Variants in ANGPT2 observed in about 807,000 individuals in gnomAD.
ANGPT2 encodes the protein angiopoietin-2.
ANGPT2 carries 28 observed loss-of-function variants against 62.9 expected under a neutral mutation model. The observed-to-expected ratio is 0.44, with a 90% CI of 0.33 to 0.61. The LOEUF (loss-of-function observed/expected upper bound fraction) is 0.61, where lower values mean the gene tolerates loss of function less well. ANGPT2 is among the 20% of genes least tolerant of loss of function. The pLI is 0.03. For synonymous variants in ANGPT2, 284 were observed against 207.8 expected (o/e 1.37, Z -3.15); for missense variants, 727 against 594.9 (o/e 1.22, Z -2.31).
chr8:6,540,140 C>T (rs996960569), intron 1 of ANGPT2, among the ~76,000 whole-genome samples: 3 of 152,164 alleles, frequency 2.0e-5, no homozygotes, highest in Admixed American at 2.0e-4. Flanking sequence ...ATCCTATCCG[C>T]TTTGCTCTTC....
intron 1 of ANGPT2, among the ~76,000 whole-genome samples, chr8:6,532,805 C>G (rs761242058): frequency 2.9e-4 from 44 of 152,204 alleles, no homozygotes; most frequent in Non-Finnish European, 5.6e-4. Context: ...GCCACAGGGA[C>G]TGCTGGGTGC....
chr8:6,513,627 C>G, intron 7 of ANGPT2, 51 bp downstream of exon 7: 1 of 1,549,410 alleles, frequency 6.5e-7, no homozygotes, highest in Non-Finnish European at 8.7e-7. Flanking sequence ...GCCACCGTGC[C>G]CGGCCACAAA....
At position 6,503,129 on chromosome 8, in the gene ANGPT2, G is replaced by C. The variant is rs1287157101; in HGVS notation, c.1460C>G (p.Thr487Ser). The stretch of plus-strand genomic sequence containing the variant: ...GAAATCTGCTGGTCGGATCATCATG[G>C]TTGTGGCCTTGAGCGAATAGCCTGA... ...KGSGYSLKAT[T>S]MMIRPADF The change falls in exon 9 of 9, where the codon ACC (threonine) becomes AGC (serine). Residue 487 changes from threonine to serine, a missense_variant. Coordinates refer to ENST00000629816, the MANE Select transcript of ANGPT2 (RefSeq NM_001118887.2). The C allele has an allele frequency of 1.2e-6, 2 of 1,614,082 alleles. No individual in the cohort carries two copies. The highest frequency in any genetic ancestry group is 1.7e-6 in the Non-Finnish European group (2 of 1,180,050).
chr8:6,536,716 A>G (rs1820569496), intron 1 of ANGPT2, among the ~76,000 whole-genome samples: 1 of 152,208 alleles, frequency 6.6e-6, no homozygotes, highest in South Asian at 2.1e-4. Flanking sequence ...GCCTTTCCAT[A>G]AATCACCACG....
chr8:6,532,488 C>T lies in ANGPT2; in HGVS notation c.289-1G>A, dbSNP rs1191589531. 4 of 1,609,130 alleles carry T rather than the reference C, an allele frequency of 2.5e-6. No individual in the cohort carries two copies. Among genetic ancestry groups the T allele is most frequent in the Non-Finnish European group, 3.4e-6 (4 of 1,178,294 alleles). On this transcript the variant is annotated splice_acceptor_variant, in intron 1 of 8. Coordinates refer to ENST00000629816, the MANE Select transcript of ANGPT2 (RefSeq NM_001118887.2). LOFTEE classifies it high-confidence loss of function. The stretch of plus-strand genomic sequence containing the variant: ...TGTTGTCCTGGATATAATTCTCAAG[C>T]TAGAAAAGAACAGTGTTAGAAGGCA...
chr8:6,523,030 C>G (rs1345764030), intron 3 of ANGPT2, among the ~76,000 whole-genome samples: 1 of 151,674 alleles, frequency 6.6e-6, no homozygotes, highest in Non-Finnish European at 1.5e-5. Flanking sequence ...TGGAGTCTCG[C>G]TCTGTCACCC....
chr8:6,528,928 T>G (rs1412320102), intron 2 of ANGPT2, among the ~76,000 whole-genome samples: 1 of 152,218 alleles, frequency 6.6e-6, no homozygotes, highest in Non-Finnish European at 1.5e-5. Context: ...ACGTAAGGTT[T>G]TGTTTGGGTT....
At chr8:6,547,902 T>TA (rs1209815159) in intron 1 of ANGPT2, among the ~76,000 whole-genome samples, 6 of 150,332 alleles carry the variant, frequency 4.0e-5, no homozygotes, top group African/African-American at 1.2e-4. Flanking sequence ...TTTTTTTTTT[T>TA]AACCAAAACT....
intron 7 of ANGPT2, among the ~76,000 whole-genome samples, chr8:6,512,840 T>C (rs966257421): frequency 6.6e-6 from 1 of 152,236 alleles, no homozygotes; most frequent in Non-Finnish European, 1.5e-5. Flanking sequence ...GGGAATGCTG[T>C]GAATCTGATG....
intron 7 of ANGPT2, among the ~76,000 whole-genome samples, chr8:6,511,353 G>T (rs538415956): frequency 6.6e-4 from 100 of 152,076 alleles, no homozygotes; most frequent in African/African-American, 2.3e-3. Flanking sequence ...GAGTAAAGAG[G>T]TAACATCAAC....
chr8:6,529,453 C>CTTTTTTTT (rs200029751), intron 2 of ANGPT2, among the ~76,000 whole-genome samples: 2 of 136,034 alleles, frequency 1.5e-5, no homozygotes, highest in Admixed American at 7.4e-5. Flanking sequence ...AGCCATTTTT[C>CTTTTTTTT]TTTTTTTTTT....
intron 1 of ANGPT2, among the ~76,000 whole-genome samples, chr8:6,554,868 G>GT (rs780710849): frequency 2.7e-4 from 41 of 152,134 alleles, no homozygotes; most frequent in Non-Finnish European, 5.1e-4. Flanking sequence ...GTTCTCAGGA[G>GT]TTTTTTAATA....
chr8:6,516,430 G>A (rs935829272), intron 5 of ANGPT2, among the ~76,000 whole-genome samples: 5 of 152,270 alleles, frequency 3.3e-5, no homozygotes, highest in African/African-American at 4.8e-5. Context: ...AGGTCTCTTT[G>A]ATTCCTGTTA....
intron 1 of ANGPT2, among the ~76,000 whole-genome samples, chr8:6,541,303 A>C (rs1821519062): frequency 6.6e-6 from 1 of 152,294 alleles, no homozygotes; most frequent in Non-Finnish European, 1.5e-5. Flanking sequence ...CCCAAGTCTC[A>C]TGGGCCCCAG....
chr8:6,538,455 G>T (rs573520322), intron 1 of ANGPT2, among the ~76,000 whole-genome samples: 1 of 152,292 alleles, frequency 6.6e-6, no homozygotes, highest in South Asian at 2.1e-4. Flanking sequence ...TTGCAGGTTT[G>T]CCTGAGGATA....
chr8:6,521,185 T>C lies in ANGPT2; in HGVS notation c.792A>G (p.Thr264=). 1 of 1,611,914 alleles carries C rather than the reference T, an allele frequency of 6.2e-7. No individual in the cohort carries two copies. The part of the protein sequence containing the change: ...TVNNLLTMMS[T]SNSKDPTVAK... ...CATGATATGTAAACTTACAGTTTGA[T>C]GTGGACATCATAGTCAGTAAGTTAT... Residue 264 remains threonine, a synonymous_variant, in exon 4 of 9, where the codon ACA becomes ACG. Coordinates refer to ENST00000629816, the MANE Select transcript of ANGPT2 (RefSeq NM_001118887.2).
intron 1 of ANGPT2, among the ~76,000 whole-genome samples, chr8:6,547,438 G>C (rs745963789): frequency 6.6e-6 from 1 of 152,052 alleles, no homozygotes; most frequent in Non-Finnish European, 1.5e-5. Context: ...ACTGCCATAA[G>C]TTATAAAAAG....
rs1374114113 is a variant in ANGPT2 at position 6,499,731 on chromosome 8, C to T, written c.*3370G>A. 1 of 795,998 alleles carries T rather than the reference C, an allele frequency of 1.3e-6. No homozygotes were observed. The highest frequency in any genetic ancestry group is 2.2e-6 in the Non-Finnish European group (1 of 453,274). 49.3% of individuals were successfully genotyped at this position (795,998 alleles called of 1,614,324 possible). A position where few individuals can be genotyped will look rare whatever the true frequency, so the allele number is the denominator to read the frequency against. ...CTGAAGGGACTTTGTTGTCTGAGAA[C>T]ACATCTATTTCAGATCTGCGGAGTG... is the stretch of plus-strand genomic sequence containing the variant. On this transcript the variant is annotated 3_prime_UTR_variant, in exon 9 of 9. Transcript: ENST00000629816.
At chr8:6,554,753 G>A (rs1454646271) in intron 1 of ANGPT2, among the ~76,000 whole-genome samples, 1 of 152,170 alleles carries the variant, frequency 6.6e-6, no homozygotes, top group Non-Finnish European at 1.5e-5. Flanking sequence ...GGAGCCCTCG[G>A]AGGGAGCGGG....
Sources: gnomAD v4.1 joint callset for allele counts (sites outside exome capture counted in the v4.1 genomes callset) on GRCh38, gnomAD v4.1.1 for gene constraint, MANE v1.5 for transcripts, NCBI Gene and HGNC (gene_info 2026-07-23, HGNC 2026-07-21) for gene names.